KCTD16: variants seen among roughly 807,000 people sequenced by gnomAD.
KCTD16 encodes BTB/POZ domain-containing protein KCTD16.
A neutral mutation model predicts 33.2 loss-of-function variants in KCTD16; 13 were observed. The observed-to-expected ratio is 0.39, with a 90% CI of 0.25 to 0.62. KCTD16 has a LOEUF of 0.62. Among genes scored for constraint, KCTD16 ranks in the 20% least tolerant of loss-of-function variants. KCTD16 has a pLI of 0.50. For synonymous variants in KCTD16, 197 were observed against 195.3 expected (o/e 1.01, Z -0.07); for missense variants, 441 against 525.1 (o/e 0.84, Z 1.57).
chr5:144,247,262 A>G (rs1027796874), intron 3 of KCTD16, among the ~76,000 whole-genome samples: 1 of 152,198 alleles, frequency 6.6e-6, no homozygotes, highest in Non-Finnish European at 1.5e-5. Flanking sequence ...AATGAAAGAC[A>G]TTGAAGCTTC....
chr5:144,371,870 T>G (rs866553341), intron 3 of KCTD16, among the ~76,000 whole-genome samples: 1 of 152,134 alleles, frequency 6.6e-6, no homozygotes, highest in Admixed American at 6.6e-5. Flanking sequence ...AACATTCTAC[T>G]TAATAACCTG....
At chr5:144,231,698 C>A (rs6870736) in intron 3 of KCTD16, among the ~76,000 whole-genome samples, 1 of 152,072 alleles carries the variant, frequency 6.6e-6, no homozygotes, top group Admixed American at 6.5e-5. Flanking sequence ...TGAATTTTCA[C>A]GAGATCTGAT....
chr5:144,304,786 A>G (rs1254949181), intron 3 of KCTD16, among the ~76,000 whole-genome samples: 1 of 152,088 alleles, frequency 6.6e-6, no homozygotes, highest in Non-Finnish European at 1.5e-5. Flanking sequence ...TCCTGAAGGT[A>G]AGGAGGGACT....
chr5:144,343,697 G>C (rs1329341427), intron 3 of KCTD16, among the ~76,000 whole-genome samples: 1 of 152,084 alleles, frequency 6.6e-6, no homozygotes, highest in African/African-American at 2.4e-5. Flanking sequence ...GATCTTTCCT[G>C]CTCTCTCTTG....
intron 3 of KCTD16, among the ~76,000 whole-genome samples, chr5:144,391,129 T>G (rs555794547): frequency 6.6e-6 from 1 of 152,318 alleles, no homozygotes; most frequent in East Asian, 1.9e-4. Context: ...CCCAGCTAAC[T>G]TGGCATATTG....
chr5:144,175,358 G>A (rs1339728876), intron 2 of KCTD16, among the ~76,000 whole-genome samples: 1 of 152,162 alleles, frequency 6.6e-6, no homozygotes, highest in African/African-American at 2.4e-5. Flanking sequence ...TTGTTATTGT[G>A]TTATGAAATG....
chr5:144,316,691 T>C (rs1751925458), intron 3 of KCTD16, among the ~76,000 whole-genome samples: 1 of 151,830 alleles, frequency 6.6e-6, no homozygotes, highest in African/African-American at 2.4e-5. Context: ...TTTTGTATTT[T>C]TAGTGGAGAA....
At chr5:144,453,499 G>C (rs1170565242) in intron 3 of KCTD16, among the ~76,000 whole-genome samples, 1 of 152,066 alleles carries the variant, frequency 6.6e-6, no homozygotes, top group African/African-American at 2.4e-5. Context: ...AAGGATGAGG[G>C]GTTTTAGTGT....
chr5:144,341,050 A>C (rs1023247092), intron 3 of KCTD16, among the ~76,000 whole-genome samples: 3 of 152,216 alleles, frequency 2.0e-5, no homozygotes, highest in Admixed American at 2.0e-4. Flanking sequence ...TGTCTCAAAA[A>C]AACAAACAAA....
chr5:144,473,001 T>C (rs1204406389), intron 3 of KCTD16, among the ~76,000 whole-genome samples: 1 of 152,234 alleles, frequency 6.6e-6, no homozygotes, highest in East Asian at 1.9e-4. Context: ...TCTCAAACTC[T>C]TAGGGTCTTA....
intron 3 of KCTD16, among the ~76,000 whole-genome samples, chr5:144,258,975 G>A (rs995519692): frequency 1.3e-5 from 2 of 151,954 alleles, no homozygotes; most frequent in Middle Eastern, 3.4e-3. Context: ...AAAAAGGGAT[G>A]AGGCCGGGTG....
At chr5:144,178,681 G>A (rs1752558166) in intron 2 of KCTD16, among the ~76,000 whole-genome samples, 1 of 152,154 alleles carries the variant, frequency 6.6e-6, no homozygotes, top group South Asian at 2.1e-4. Context: ...CTCTTGCTAA[G>A]ATGTTATTTT....
rs1561618185 is a variant in KCTD16 at position 144,465,191 on chromosome 5, CT to C, written c.833-8468del. 4.8e-3 allele frequency among the ~76,000 whole-genome samples: 423 copies of C among 88,522 alleles called. 20 individuals carry two copies. The highest frequency in any genetic ancestry group is 0.017 in the African/African-American group (384 of 22,330). The allele number at this position is 88,522 out of a possible 152,430, so 58.1% of individuals were successfully genotyped here. Reference sequence around the variant, plus strand: ...TACATAGTCTCTCTCTCCCCCCCCTCTCTCTCTCACTCTCTCTCTCTCTCTT... The same window carrying C: ...TACATAGTCTCTCTCTCCCCCCCCTCCTCTCTCACTCTCTCTCTCTCTCTT... On this transcript the variant is annotated intron_variant, in intron 3 of 3. Coordinates refer to ENST00000512467, the MANE Select transcript of KCTD16 (RefSeq NM_020768.4).
At chr5:144,274,141 T>C (rs1755380501) in intron 3 of KCTD16, among the ~76,000 whole-genome samples, 1 of 151,914 alleles carries the variant, frequency 6.6e-6, no homozygotes, top group African/African-American at 2.4e-5. Context: ...CTTCTCTTTT[T>C]CTCTTTCTAT....
intron 3 of KCTD16, among the ~76,000 whole-genome samples, chr5:144,315,217 A>C (rs537392416): frequency 6.6e-6 from 1 of 152,148 alleles, no homozygotes; most frequent in Non-Finnish European, 1.5e-5. Flanking sequence ...TTAGAGTTGC[A>C]CCTAAGCACC....
chr5:144,315,307 T>C (rs1427618425), intron 3 of KCTD16, among the ~76,000 whole-genome samples: 1 of 152,190 alleles, frequency 6.6e-6, no homozygotes, highest in Non-Finnish European at 1.5e-5. Context: ...ACAACAAATT[T>C]GTTTCACTTT....
At chr5:144,466,837 G>A (rs1754342553) in intron 3 of KCTD16, among the ~76,000 whole-genome samples, 1 of 150,756 alleles carries the variant, frequency 6.6e-6, no homozygotes, top group Non-Finnish European at 1.5e-5. Context: ...TTATTGTGAA[G>A]ATAAAATTAT....
rs554485645 is a variant in KCTD16 at position 144,418,596 on chromosome 5, G to T, written c.833-55064G>T. 1.6e-4 allele frequency among the ~76,000 whole-genome samples: 24 copies of T among 152,206 alleles called. No homozygotes were observed. The East Asian group carries it at 4.3e-3, about 27-fold the overall frequency. On this transcript the variant is annotated intron_variant, in intron 3 of 3. Coordinates refer to ENST00000512467, the MANE Select transcript of KCTD16 (RefSeq NM_020768.4). ...ACTGTACTTCTTTACTGGTGTTGGT[G>T]CTCTTGTCAAACATCAGTTAGCCTT...
intron 3 of KCTD16, among the ~76,000 whole-genome samples, chr5:144,209,031 A>C (rs774679817): frequency 6.6e-6 from 1 of 152,236 alleles, no homozygotes; most frequent in Non-Finnish European, 1.5e-5. Context: ...GACATTATCT[A>C]TAATTCTGAA....
Sources: allele counts gnomAD v4.1 joint callset (sites outside exome capture counted in the v4.1 genomes callset), GRCh38; gene constraint gnomAD v4.1.1; transcripts MANE v1.5; gene names NCBI Gene and HGNC (gene_info 2026-07-23, HGNC 2026-07-21).